Variants in SLC7A1 observed in about 807,000 individuals in gnomAD.
The protein encoded by SLC7A1 is high affinity cationic amino acid transporter 1.
A neutral mutation model predicts 53.9 loss-of-function variants in SLC7A1; 10 were observed. The observed-to-expected ratio is 0.19, with a 90% CI of 0.11 to 0.31. The LOEUF is 0.31. Ranked by LOEUF, SLC7A1 falls within the 10% of genes least tolerant of loss-of-function variation. SLC7A1 has a pLI of 1.00. For missense variants in SLC7A1, 525 were observed against 827.2 expected (o/e 0.63, Z 4.48); for synonymous variants, 342 against 338.7 (o/e 1.01, Z -0.11).
intron 1 of SLC7A1, among the ~76,000 whole-genome samples, chr13:29,571,176 T>G (rs937313825): frequency 6.6e-6 from 1 of 152,238 alleles, no homozygotes; most frequent in South Asian, 2.1e-4. Context: ...AAATTGTATT[T>G]TGTAATCACC....
intron 9 of SLC7A1, 105 bp from the exon 10 acceptor site, chr13:29,517,895 A>T: frequency 1.2e-6 from 1 of 840,194 alleles, no homozygotes; most frequent in South Asian, 1.5e-5. Flanking sequence ...CCGGGACACA[A>T]GGTATAAAAT....
chr13:29,527,423 C>T (rs974428312), intron 5 of SLC7A1, among the ~76,000 whole-genome samples: 4 of 152,052 alleles, frequency 2.6e-5, no homozygotes, highest in African/African-American at 9.7e-5. Flanking sequence ...CACAAAATAA[C>T]CACAGAATCC....
intron 2 of SLC7A1, among the ~76,000 whole-genome samples, chr13:29,545,056 AG>A (rs1005493400): frequency 6.6e-6 from 1 of 152,132 alleles, no homozygotes; most frequent in African/African-American, 2.4e-5. Context: ...GGAAGCTAAT[AG>A]GGCACCCACT....
chr13:29,547,579 T>C (rs1869977484), intron 2 of SLC7A1, among the ~76,000 whole-genome samples: 2 of 152,238 alleles, frequency 1.3e-5, no homozygotes, highest in Non-Finnish European at 1.5e-5. Context: ...AGTGAGGCAT[T>C]TGTCTCTAGA....
chr13:29,565,033 A>G (rs1160211101), intron 1 of SLC7A1, among the ~76,000 whole-genome samples: 1 of 152,238 alleles, frequency 6.6e-6, no homozygotes, highest in African/African-American at 2.4e-5. Context: ...CTATTTAAAG[A>G]AATCCTCTAG....
chr13:29,538,470 C>T (rs1014200645), intron 2 of SLC7A1, among the ~76,000 whole-genome samples: 13 of 152,170 alleles, frequency 8.5e-5, no homozygotes, highest in Non-Finnish European at 1.9e-4. Flanking sequence ...AGCTCTCATG[C>T]CAGAGCAGTT....
At chr13:29,551,346 T>A (rs1363085734) in intron 2 of SLC7A1, among the ~76,000 whole-genome samples, 2 of 152,182 alleles carry the variant, frequency 1.3e-5, no homozygotes, top group African/African-American at 4.8e-5. Flanking sequence ...ACAACAAGCG[T>A]GGCCAAGACC....
chr13:29,591,025 G>A (rs925079293), intron 1 of SLC7A1, among the ~76,000 whole-genome samples: 1 of 152,056 alleles, frequency 6.6e-6, no homozygotes, highest in Non-Finnish European at 1.5e-5. Flanking sequence ...TGGGAGGATC[G>A]CTTGATCCCA....
intron 2 of SLC7A1, among the ~76,000 whole-genome samples, chr13:29,548,342 C>A (rs1870014652): frequency 6.6e-6 from 1 of 152,204 alleles, no homozygotes; most frequent in Non-Finnish European, 1.5e-5. Flanking sequence ...TTGCGGTTCA[C>A]CCCTTCCTTA....
At chr13:29,516,300 T>C (rs747028114) in intron 11 of SLC7A1, 54 bp from the exon 12 acceptor site, 19 of 1,170,452 alleles carry the variant, frequency 1.6e-5, no homozygotes, top group Middle Eastern at 1.9e-4. Flanking sequence ...GTTCCAATAG[T>C]TCAGTAAAAC....
At chr13:29,590,685 C>A (rs1232716013) in intron 1 of SLC7A1, among the ~76,000 whole-genome samples, 2 of 152,194 alleles carry the variant, frequency 1.3e-5, no homozygotes, top group African/African-American at 4.8e-5. Flanking sequence ...CAGAGGCCCG[C>A]ATCCCTCCTC....
At chr13:29,538,531 G>A (rs370769452) in intron 2 of SLC7A1, among the ~76,000 whole-genome samples, 1 of 152,298 alleles carries the variant, frequency 6.6e-6, no homozygotes, top group Non-Finnish European at 1.5e-5. Context: ...AGGCAGTTAA[G>A]TGAGAGCCTC....
intron 4 of SLC7A1, 69 bp from the exon 5 acceptor site, chr13:29,530,781 T>G: frequency 7.3e-7 from 1 of 1,368,136 alleles, no homozygotes; most frequent in Non-Finnish European, 1.0e-6. Context: ...CCTTCCTGGA[T>G]GGGGATAAGA....
Position 29,530,710 on chromosome 13 carries a change from G to C in SLC7A1, c.532C>G (p.Leu178Val). The part of the protein sequence containing the change: ...AVIIILILTG[L>V]LTLGVKESAM... ...GACTCTTTCACACCAAGAGTTAAAA[G>C]TCCTGAAAAAGTGCATAGACACAAA... Residue 178 changes from leucine (L) to valine (V), a missense_variant and splice_region_variant, in exon 5 of 13, where the codon CTT (leucine) becomes GTT (valine). Leu to Val is a conservative substitution (Grantham distance 32). Around this residue, in one of 4 missense-constraint regions of SLC7A1, gnomAD observed 354 missense variants for 587.5 expected, o/e 0.60. Transcript: ENST00000380752. The C allele has an allele frequency of 6.2e-7, 1 of 1,613,506 alleles. No individual in the cohort carries two copies. The highest frequency in any genetic ancestry group is 8.5e-7 in the Non-Finnish European group (1 of 1,179,634).
intron 1 of SLC7A1, among the ~76,000 whole-genome samples, chr13:29,573,997 C>CA (rs1227507132): frequency 2.0e-5 from 3 of 152,184 alleles, no homozygotes; most frequent in Non-Finnish European, 4.4e-5. Flanking sequence ...ATGCTGAAAA[C>CA]AAAGAAAGCC....
chr13:29,594,209 G>A (rs1458934227), intron 1 of SLC7A1, among the ~76,000 whole-genome samples: 1 of 152,194 alleles, frequency 6.6e-6, no homozygotes, highest in Non-Finnish European at 1.5e-5. Context: ...TACAATTAGG[G>A]CATTCGGCCA....
intron 1 of SLC7A1, among the ~76,000 whole-genome samples, chr13:29,582,083 C>G (rs1433189579): frequency 1.3e-5 from 2 of 152,344 alleles, no homozygotes; most frequent in East Asian, 3.9e-4. Flanking sequence ...AAGAGGGGAA[C>G]TGTAAGTTTC....
chr13:29,517,308 C>T lies in SLC7A1; in HGVS notation c.1513G>A (p.Val505Ile). 2 of 1,607,892 alleles carry T rather than the reference C, an allele frequency of 1.2e-6. No homozygotes were observed. The highest frequency in any genetic ancestry group is 1.1e-5 in the South Asian group (1 of 89,732). Residue 505 changes from valine (V) to isoleucine (I), a missense_variant and splice_region_variant, in exon 11 of 13, where the codon GTT becomes ATT. By Grantham distance (29) the Val-to-Ile change is conservative. Transcript: ENST00000380752. ...IVNISTSLIAVLIITFCIVTV... is the reference protein window; with the variant it reads ...IVNISTSLIAILIITFCIVTV... ...ACAATGCAGAAGGTGATGATGAGAA[C>T]AGCTAAGGGGGAAGGAAAAGACAGC... is the stretch of plus-strand genomic sequence containing the variant.
At chr13:29,542,713 G>A (rs923647451) in intron 2 of SLC7A1, among the ~76,000 whole-genome samples, 2 of 149,944 alleles carry the variant, frequency 1.3e-5, no homozygotes, top group Non-Finnish European at 3.0e-5. Context: ...TGAGCTCCAC[G>A]ACCATAAGAA....
Sources: gnomAD v4.1 joint callset for allele counts (sites outside exome capture counted in the v4.1 genomes callset) on GRCh38, gnomAD v4.1.1 for gene constraint, gnomAD v4.1.1 regional missense constraint, MANE v1.5 for transcripts, NCBI Gene and HGNC (gene_info 2026-07-23, HGNC 2026-07-21) for gene names.